The following C12orf54 variants were observed in gnomAD, a reference collection of about 807,000 sequenced individuals.
C12orf54 encodes uncharacterized protein C12orf54.
A neutral mutation model predicts 26.4 loss-of-function variants in C12orf54; 24 were observed. The ratio of observed to expected loss-of-function variants is 0.91; its 90% CI spans 0.66 to 1.28. The LOEUF (loss-of-function observed/expected upper bound fraction) is 1.28, where lower values mean the gene tolerates loss of function less well. C12orf54 is among the 50% of genes most tolerant of loss of function. The probability of loss-of-function intolerance (pLI) is 0.00; values close to 1 mark genes in which losing one functional copy is unlikely to be tolerated. For missense variants in C12orf54, 154 were observed against 150.9 expected (o/e 1.02, Z -0.11); for synonymous variants, 54 against 47.0 (o/e 1.15, Z -0.61).
At chr12:48,485,417 G>A (rs1383627159) in intron 2 of C12orf54, among the ~76,000 whole-genome samples, 1 of 152,080 alleles carries the variant, frequency 6.6e-6, no homozygotes, top group Non-Finnish European at 1.5e-5. Context: ...TGTGACTACT[G>A]GCCTCCCTAG....
the C12orf54 span, among the ~76,000 whole-genome samples, chr12:48,476,499 C>T: frequency 6.6e-6 from 1 of 152,136 alleles, no homozygotes; most frequent in Non-Finnish European, 1.5e-5. Context: ...TTCAGGAAAC[C>T]TATCTCACGT....
the C12orf54 span, among the ~76,000 whole-genome samples, chr12:48,471,646 T>C: frequency 2.0e-5 from 3 of 152,236 alleles, no homozygotes; most frequent in African/African-American, 7.2e-5. Context: ...AAAGATCAGA[T>C]ATTTTTAAGT....
chr12:48,490,963 C>A, intron 6 of C12orf54, 127 bp downstream of exon 6: 4 of 1,167,426 alleles, frequency 3.4e-6, no homozygotes, highest in Non-Finnish European at 5.0e-6. Flanking sequence ...GAGTTCATCC[C>A]AAAGTCTCAC....
At chr12:48,462,761 T>C in the C12orf54 span, among the ~76,000 whole-genome samples, 1 of 151,716 alleles carries the variant, frequency 6.6e-6, no homozygotes, top group Non-Finnish European at 1.5e-5. Flanking sequence ...TAAAAAAATC[T>C]ATATCTATAG....
chr12:48,430,160 G>A, the C12orf54 span, among the ~76,000 whole-genome samples: 1 of 152,084 alleles, frequency 6.6e-6, no homozygotes, highest in African/African-American at 2.4e-5. Context: ...AACTCAAGAT[G>A]GATTAAAGAA....
chr12:48,415,116 GT>G, the C12orf54 span, among the ~76,000 whole-genome samples: 1 of 152,190 alleles, frequency 6.6e-6, no homozygotes, highest in Non-Finnish European at 1.5e-5. Flanking sequence ...GAGATTCAAA[GT>G]TTGTTTGCCT....
At chr12:48,445,320 A>G in the C12orf54 span, among the ~76,000 whole-genome samples, 1 of 151,694 alleles carries the variant, frequency 6.6e-6, no homozygotes, top group Non-Finnish European at 1.5e-5. Context: ...GGCTTGCATT[A>G]AGCCAGATAT....
At chr12:48,457,494 C>T in the C12orf54 span, among the ~76,000 whole-genome samples, 12 of 151,920 alleles carry the variant, frequency 7.9e-5, no homozygotes, top group Admixed American at 3.3e-4. Flanking sequence ...CCACCACACC[C>T]GGCTAATTTT....
chr12:48,428,595 T>C, the C12orf54 span, among the ~76,000 whole-genome samples: 11 of 152,128 alleles, frequency 7.2e-5, no homozygotes, highest in Non-Finnish European at 1.5e-5. Flanking sequence ...CCTGGAAAGA[T>C]ATAACCCTCC....
At chr12:48,485,406 C>G (rs573485925) in intron 2 of C12orf54, among the ~76,000 whole-genome samples, 5 of 152,234 alleles carry the variant, frequency 3.3e-5, no homozygotes, top group Non-Finnish European at 7.4e-5. Flanking sequence ...CCCAGACTCC[C>G]TGTGACTACT....
the C12orf54 span, among the ~76,000 whole-genome samples, chr12:48,435,554 G>T: frequency 0.38 from 57,895 of 151,872 alleles, 11,306 homozygotes; most frequent in Admixed American, 0.48. Flanking sequence ...CAGACTAACA[G>T]CTGATCTCTC....
intron 5 of C12orf54, among the ~76,000 whole-genome samples, chr12:48,490,511 G>A (rs1477614720): frequency 6.6e-6 from 1 of 152,100 alleles, no homozygotes; most frequent in Non-Finnish European, 1.5e-5. Context: ...AAATTAGTCA[G>A]ACATGGTGGT....
At chr12:48,484,178 A>G (rs1410526879) in intron 2 of C12orf54, among the ~76,000 whole-genome samples, 1 of 152,180 alleles carries the variant, frequency 6.6e-6, no homozygotes, top group Non-Finnish European at 1.5e-5. Flanking sequence ...CTGGGCAATA[A>G]GAGCGAAACA....
At chr12:48,474,527 C>T in the C12orf54 span, among the ~76,000 whole-genome samples, 3 of 152,246 alleles carry the variant, frequency 2.0e-5, no homozygotes, top group Admixed American at 1.3e-4. Context: ...CCTGGAAAAT[C>T]GGGTCACTCC....
chr12:48,476,222 C>T, the C12orf54 span, among the ~76,000 whole-genome samples: 13 of 152,154 alleles, frequency 8.5e-5, no homozygotes, highest in Admixed American at 8.5e-4. Flanking sequence ...ACCAGGCCTG[C>T]CCTAAAAGAG....
the C12orf54 span, chr12:48,473,570 G>A: frequency 3.3e-6 from 1 of 304,184 alleles, no homozygotes; most frequent in Non-Finnish European, 6.4e-6. Flanking sequence ...GGGTTGTGAG[G>A]GAAGGGAGGG....
At chr12:48,476,658 C>T in the C12orf54 span, among the ~76,000 whole-genome samples, 3 of 152,122 alleles carry the variant, frequency 2.0e-5, no homozygotes, top group African/African-American at 7.2e-5. Flanking sequence ...AAGGCCATTA[C>T]ATAATGCTAA....
the C12orf54 span, among the ~76,000 whole-genome samples, chr12:48,465,634 T>C: frequency 6.6e-6 from 1 of 152,132 alleles, no homozygotes; most frequent in Admixed American, 6.6e-5. Context: ...TGCATCACTA[T>C]TCAAAATAAC....
chr12:48,456,608 TG>T, the C12orf54 span, among the ~76,000 whole-genome samples: 1 of 152,200 alleles, frequency 6.6e-6, no homozygotes, highest in Admixed American at 6.5e-5. Flanking sequence ...TATTTCTCTT[TG>T]TTTCTTTGCC....
Sources: gnomAD v4.1 joint callset for allele counts (sites outside exome capture counted in the v4.1 genomes callset) on GRCh38, gnomAD v4.1.1 for gene constraint, MANE v1.5 for transcripts, NCBI Gene and HGNC (gene_info 2026-07-23, HGNC 2026-07-21) for gene names.